The following FREM2 variants were observed in gnomAD, a reference collection of about 807,000 sequenced individuals.
FREM2 encodes the protein FRAS1 related extracellular matrix 2.
FREM2 carries 119 observed loss-of-function variants against 219.9 expected under a neutral mutation model. That is an observed-to-expected ratio of 0.54 (90% CI 0.47 to 0.63). The LOEUF (loss-of-function observed/expected upper bound fraction) is 0.63, where lower values mean the gene tolerates loss of function less well. FREM2 is among the 30% of genes least tolerant of loss of function. The pLI, the probability that FREM2 is intolerant of heterozygous loss-of-function variation, is 0.00. For synonymous variants in FREM2, 1,562 were observed against 1,522.8 expected (o/e 1.03, Z -0.60); for missense variants, 4,030 against 3,993.6 (o/e 1.01, Z -0.25).
chr13:38,850,117 T>C lies in FREM2; in HGVS notation c.6459T>C (p.Thr2153=), dbSNP rs9548507. 0.11 allele frequency: 185,071 copies of C among 1,613,338 alleles called. 12,567 individuals are homozygous for C. Among genetic ancestry groups the C allele is most frequent in the Admixed American group, 0.28 (17,092 of 59,980 alleles). Residue 2153 remains threonine, a synonymous_variant, in exon 9 of 24, where the codon ACT becomes ACC. Transcript: ENST00000280481. Reference sequence around the variant, plus strand: ...AGATAGTTACAATGATCCATAGGACTGGGGATGTCCAGTACAGATCTTCAG... The same window carrying C: ...AGATAGTTACAATGATCCATAGGACCGGGGATGTCCAGTACAGATCTTCAG... ...DGQIVTMIHR[T]GDVQYRSSVR... is the part of the protein sequence containing the mutation.
intron 6 of FREM2, among the ~76,000 whole-genome samples, chr13:38,816,614 A>G (rs1005016795): frequency 5.3e-5 from 8 of 152,292 alleles, no homozygotes; most frequent in African/African-American, 1.7e-4. Context: ...CACACAGCTA[A>G]CATCATACAG....
At chr13:38,823,396 G>T (rs1399275377) in intron 6 of FREM2, among the ~76,000 whole-genome samples, 2 of 151,602 alleles carry the variant, frequency 1.3e-5, no homozygotes, top group African/African-American at 4.8e-5. Context: ...TTAACACTGA[G>T]CACACCTCTC....
intron 6 of FREM2, among the ~76,000 whole-genome samples, chr13:38,844,317 C>A (rs1194564960): frequency 6.6e-6 from 1 of 152,158 alleles, no homozygotes; most frequent in Admixed American, 6.5e-5. Context: ...TACACACTTG[C>A]ACAGATACAC....
intron 20 of FREM2, among the ~76,000 whole-genome samples, chr13:38,876,896 C>T (rs1878359428): frequency 6.6e-6 from 1 of 152,174 alleles, no homozygotes; most frequent in Non-Finnish European, 1.5e-5. Context: ...TCAAGCAATG[C>T]TGTTTAGTCC....
intron 6 of FREM2, among the ~76,000 whole-genome samples, chr13:38,836,307 A>C (rs1179040522): frequency 2.0e-5 from 3 of 152,072 alleles, no homozygotes; most frequent in African/African-American, 7.2e-5. Flanking sequence ...TGATCGTAGT[A>C]GATAAGCTTT....
chr13:38,854,460 A>G (rs1877483775), intron 11 of FREM2, among the ~76,000 whole-genome samples: 1 of 152,150 alleles, frequency 6.6e-6, no homozygotes, highest in Non-Finnish European at 1.5e-5. Context: ...AAAAGGCTGT[A>G]TTATCACAGC....
intron 6 of FREM2, among the ~76,000 whole-genome samples, chr13:38,817,161 C>A (rs915854948): frequency 6.6e-6 from 1 of 152,034 alleles, no homozygotes; most frequent in South Asian, 2.1e-4. Context: ...CAGATTAATG[C>A]AATTCCTATC....
intron 2 of FREM2, among the ~76,000 whole-genome samples, chr13:38,703,645 T>C (rs951098307): frequency 2.0e-5 from 3 of 152,178 alleles, no homozygotes; most frequent in African/African-American, 7.2e-5. Context: ...ACCTTTTAGA[T>C]AGAAAAGTAT....
intron 6 of FREM2, among the ~76,000 whole-genome samples, chr13:38,789,091 C>A (rs1874448829): frequency 6.6e-6 from 1 of 151,856 alleles, no homozygotes; most frequent in Admixed American, 6.6e-5. Flanking sequence ...GGCTTTAAAT[C>A]TGTTTATTTT....
chr13:38,826,997 C>T (rs1390139221), intron 6 of FREM2, among the ~76,000 whole-genome samples: 4 of 152,070 alleles, frequency 2.6e-5, no homozygotes, highest in Non-Finnish European at 1.5e-5. Flanking sequence ...TCATGTTCCT[C>T]CCTTTTTCTT....
At chr13:38,717,640 C>T (rs528413597) in intron 2 of FREM2, among the ~76,000 whole-genome samples, 1 of 152,002 alleles carries the variant, frequency 6.6e-6, no homozygotes, top group African/African-American at 2.4e-5. Flanking sequence ...TGGTCTTGAA[C>T]TCTTGATCTG....
At chr13:38,814,299 G>T (rs1198041241) in intron 6 of FREM2, among the ~76,000 whole-genome samples, 2 of 152,114 alleles carry the variant, frequency 1.3e-5, no homozygotes, top group Non-Finnish European at 2.9e-5. Context: ...ATTTATTGTG[G>T]TTTTCACAGT....
At chr13:38,818,309 GA>G (rs1454449859) in intron 6 of FREM2, among the ~76,000 whole-genome samples, 1 of 151,996 alleles carries the variant, frequency 6.6e-6, no homozygotes, top group African/African-American at 2.4e-5. Context: ...ATGAATAGAT[GA>G]AAAAATGTGG....
At chr13:38,761,819 T>C (rs1873236869) in intron 2 of FREM2, among the ~76,000 whole-genome samples, 1 of 151,576 alleles carries the variant, frequency 6.6e-6, no homozygotes, top group Admixed American at 6.6e-5. Flanking sequence ...ATGGAAAGAG[T>C]GAGGGTGGCA....
intron 2 of FREM2, among the ~76,000 whole-genome samples, chr13:38,704,773 G>A (rs1870474773): frequency 6.6e-6 from 1 of 152,210 alleles, no homozygotes; most frequent in Admixed American, 6.5e-5. Flanking sequence ...ACCCAGTTAT[G>A]CATGGCTGGG....
intron 2 of FREM2, among the ~76,000 whole-genome samples, chr13:38,717,604 A>G (rs1871062736): frequency 6.6e-6 from 1 of 150,910 alleles, no homozygotes; most frequent in Non-Finnish European, 1.5e-5. Context: ...TTTAGTACAG[A>G]CAGGGTTTCA....
At chr13:38,733,640 A>G (rs1871859539) in intron 2 of FREM2, among the ~76,000 whole-genome samples, 1 of 152,166 alleles carries the variant, frequency 6.6e-6, no homozygotes, top group African/African-American at 2.4e-5. Flanking sequence ...CAAGCAGATC[A>G]AATTCCTTTC....
At chr13:38,849,901 A>G (rs1877303991) in intron 8 of FREM2, 137 bp from the exon 9 acceptor site, 7 of 747,030 alleles carry the variant, frequency 9.4e-6, no homozygotes, top group Non-Finnish European at 1.6e-5. Context: ...AGGTCAAAAT[A>G]TTGGCAAGTG....
chr13:38,869,403 A>C (rs1207840696), intron 16 of FREM2, among the ~76,000 whole-genome samples: 1 of 152,204 alleles, frequency 6.6e-6, no homozygotes, highest in East Asian at 1.9e-4. Context: ...TGATTTTGCC[A>C]TCTCATTTAT....
Sources: allele counts gnomAD v4.1 joint callset (sites outside exome capture counted in the v4.1 genomes callset), GRCh38; gene constraint gnomAD v4.1.1; transcripts MANE v1.5; gene names NCBI Gene and HGNC (gene_info 2026-07-23, HGNC 2026-07-21).